USH2A: variants seen among roughly 807,000 people sequenced by gnomAD.
USH2A encodes Usher syndrome 2A (autosomal recessive, mild).
Under a neutral mutation model 538.9 loss-of-function variants are expected in USH2A, and 443 were observed. That is an observed-to-expected ratio of 0.82 (90% CI 0.76 to 0.89). The LOEUF is 0.89. USH2A is among the 40% of genes least tolerant of loss of function. The probability of loss-of-function intolerance (pLI) is 0.00; values close to 1 mark genes in which losing one functional copy is unlikely to be tolerated. For synonymous variants in USH2A, 2,413 were observed against 2,273.5 expected (o/e 1.06, Z -1.75); for missense variants, 6,633 against 6,324.8 (o/e 1.05, Z -1.65).
chr1:215,738,103 TTTA>T (rs1329255165), intron 60 of USH2A, among the ~76,000 whole-genome samples: 3 of 152,094 alleles, frequency 2.0e-5, no homozygotes, highest in Non-Finnish European at 4.4e-5. Flanking sequence ...AGGAGATTAT[TTTA>T]TTACATGTTT....
intron 49 of USH2A, 85 bp from the exon 50 acceptor site, chr1:215,799,210 G>A: frequency 4.3e-6 from 6 of 1,391,922 alleles, no homozygotes; most frequent in Non-Finnish European, 6.0e-6. Context: ...CAATCATCTT[G>A]CAGATCCCAA....
At chr1:216,135,179 TACAC>T (rs71161405) in intron 21 of USH2A, among the ~76,000 whole-genome samples, 2 of 135,430 alleles carry the variant, frequency 1.5e-5, no homozygotes, top group Non-Finnish European at 3.1e-5. Flanking sequence ...CACACACACA[TACAC>T]ACACACACAC....
At chr1:215,780,667 T>A (rs1319231869) in intron 54 of USH2A, among the ~76,000 whole-genome samples, 1 of 152,224 alleles carries the variant, frequency 6.6e-6, no homozygotes, top group African/African-American at 2.4e-5. Flanking sequence ...TAGAATTAAC[T>A]TTTTTCACTT....
intron 60 of USH2A, among the ~76,000 whole-genome samples, chr1:215,740,507 T>C (rs1448200574): frequency 6.6e-6 from 1 of 152,196 alleles, no homozygotes; most frequent in Non-Finnish European, 1.5e-5. Context: ...TAACACCATC[T>C]AACCAGTGGA....
intron 21 of USH2A, among the ~76,000 whole-genome samples, chr1:216,168,239 T>A (rs934772621): frequency 6.6e-6 from 1 of 152,158 alleles, no homozygotes; most frequent in Non-Finnish European, 1.5e-5. Context: ...TTAAAATTAA[T>A]GTGTTATATT....
intron 27 of USH2A, 36 bp from the exon 28 acceptor site, chr1:216,073,336 G>T: frequency 1.4e-6 from 2 of 1,475,834 alleles, no homozygotes; most frequent in Non-Finnish European, 1.9e-6. Flanking sequence ...CGCATAAAGG[G>T]CTTGAGTCAT....
chr1:215,918,294 G>T (rs760083936), intron 38 of USH2A, among the ~76,000 whole-genome samples: 1 of 152,048 alleles, frequency 6.6e-6, no homozygotes, highest in African/African-American at 2.4e-5. Flanking sequence ...TAATTCTTAC[G>T]TTGAAATTCT....
At chr1:216,382,276 A>G (rs1356703173) in intron 3 of USH2A, among the ~76,000 whole-genome samples, 1 of 152,256 alleles carries the variant, frequency 6.6e-6, no homozygotes, top group Non-Finnish European at 1.5e-5. Context: ...TTGAGATAAG[A>G]AAAGGCTTCC....
At chr1:216,013,742 C>T (rs983678040) in intron 32 of USH2A, among the ~76,000 whole-genome samples, 2 of 151,634 alleles carry the variant, frequency 1.3e-5, no homozygotes, top group African/African-American at 4.8e-5. Flanking sequence ...TCCTATAAAA[C>T]AGCCCCACCC....
chr1:215,773,221 T>C (rs1661343418), intron 55 of USH2A, among the ~76,000 whole-genome samples: 1 of 152,124 alleles, frequency 6.6e-6, no homozygotes, highest in South Asian at 2.1e-4. Context: ...GGACTGTACA[T>C]GTTCAAGATG....
chr1:215,933,931 C>T (rs779720876), intron 38 of USH2A, among the ~76,000 whole-genome samples: 2 of 151,818 alleles, frequency 1.3e-5, no homozygotes, highest in African/African-American at 2.4e-5. Flanking sequence ...TTCCTCAATG[C>T]GATTATTTCC....
At chr1:215,636,380 CTG>C (rs755562497) in intron 69 of USH2A, among the ~76,000 whole-genome samples, 4 of 152,334 alleles carry the variant, frequency 2.6e-5, no homozygotes, top group African/African-American at 4.8e-5. Context: ...CCGATCAGCT[CTG>C]TGATTAAATG....
At chr1:215,682,219 T>C (rs1658256369) in intron 61 of USH2A, among the ~76,000 whole-genome samples, 1 of 152,202 alleles carries the variant, frequency 6.6e-6, no homozygotes, top group East Asian at 1.9e-4. Context: ...CAAAAAAGCA[T>C]ACGCTCCAAA....
intron 58 of USH2A, among the ~76,000 whole-genome samples, chr1:215,754,001 A>G (rs759517524): frequency 1.3e-5 from 2 of 152,200 alleles, no homozygotes; most frequent in Non-Finnish European, 2.9e-5. Flanking sequence ...ACAGAAAGGA[A>G]CTGGTCTTAA....
At chr1:215,887,085 C>G (rs1001553687) in intron 41 of USH2A, among the ~76,000 whole-genome samples, 1 of 152,146 alleles carries the variant, frequency 6.6e-6, no homozygotes. Context: ...TCTCGATCTC[C>G]TGACCTCATG....
At position 216,292,367 on chromosome 1, in the gene USH2A, C is replaced by T; in HGVS notation, c.1648G>A (p.Asp550Asn). Residue 550 changes from aspartate (D) to asparagine (N), a missense_variant, in exon 10 of 72, where the codon GAT becomes AAT. Physicochemically the swap from Asp to Asn is conservative, Grantham distance 23 (BLOSUM62 1). Coordinates refer to ENST00000307340, the MANE Select transcript of USH2A (RefSeq NM_206933.4). ...TCATTATAAAGAGGCAAGCAGCGAT[C>T]ACACTAGAACAAAAAATATCAGAAC... ...QESFTEGLHC[D>N]RCLPLYNDKP... 6 of 1,613,642 alleles carry T rather than the reference C, an allele frequency of 3.7e-6. No individual in the cohort carries two copies. Among genetic ancestry groups the T allele is most frequent in the Non-Finnish European group, 5.1e-6 (6 of 1,179,812 alleles).
intron 14 of USH2A, among the ~76,000 whole-genome samples, chr1:216,229,517 G>A (rs980003391): frequency 2.0e-5 from 3 of 152,052 alleles, no homozygotes; most frequent in Non-Finnish European, 4.4e-5. Flanking sequence ...GTTTTGCCAT[G>A]TTGCCCAGGC....
chr1:216,138,833 A>T (rs2033540401), intron 21 of USH2A, among the ~76,000 whole-genome samples: 1 of 152,196 alleles, frequency 6.6e-6, no homozygotes. Context: ...ACAGACAGGA[A>T]GCCAAACAGC....
intron 61 of USH2A, among the ~76,000 whole-genome samples, chr1:215,693,729 G>C (rs1454983049): frequency 1.3e-5 from 2 of 152,254 alleles, no homozygotes; most frequent in Middle Eastern, 3.4e-3. Flanking sequence ...ATACATCATG[G>C]AGCCTCTGGA....
Sources: gnomAD v4.1 joint callset for allele counts (sites outside exome capture counted in the v4.1 genomes callset) on GRCh38, gnomAD v4.1.1 for gene constraint, MANE v1.5 for transcripts, NCBI Gene and HGNC (gene_info 2026-07-23, HGNC 2026-07-21) for gene names.